CHN1: variants seen among roughly 807,000 people sequenced by gnomAD.
CHN1 encodes chimerin 1.
CHN1 carries 37 observed loss-of-function variants against 59.5 expected under a neutral mutation model. The observed-to-expected ratio is 0.62, with a 90% CI of 0.48 to 0.82. CHN1 has a LOEUF of 0.82. Ranked by LOEUF, CHN1 falls within the 40% of genes least tolerant of loss-of-function variation. The pLI is 0.00. For missense variants in CHN1, 469 were observed against 571.0 expected (o/e 0.82, Z 1.82); for synonymous variants, 206 against 200.4 (o/e 1.03, Z -0.24).
Position 174,815,671 on chromosome 2 carries a change from T to C in CHN1, c.713-3189A>G, listed in dbSNP as rs2105388703. On this transcript the variant is annotated intron_variant, in intron 8 of 12. Transcript: ENST00000409900. ...TTTTATGATAGCTGCTTTTCTTGTCTGATAATTACAACATCTGTGTCATCT... is the reference window on the plus strand; with the variant it reads ...TTTTATGATAGCTGCTTTTCTTGTCCGATAATTACAACATCTGTGTCATCT... 2.0e-5 allele frequency among the ~76,000 whole-genome samples: 3 copies of C among 152,162 alleles called. No individual in the cohort carries two copies. In the South Asian group the frequency reaches 6.2e-4, roughly 32 times the overall value.
intron 1 of CHN1, among the ~76,000 whole-genome samples, chr2:174,991,285 G>A (rs1050923374): frequency 6.6e-6 from 1 of 152,158 alleles, no homozygotes; most frequent in African/African-American, 2.4e-5. Context: ...TAAAAGAAGA[G>A]AGAACAGCTC....
chr2:174,806,837 AGAG>A (rs1684900372), intron 11 of CHN1, among the ~76,000 whole-genome samples: 1 of 152,216 alleles, frequency 6.6e-6, no homozygotes, highest in African/African-American at 2.4e-5. Flanking sequence ...TACTGCCAGA[AGAG>A]AGTGTACAAG....
intron 3 of CHN1, among the ~76,000 whole-genome samples, chr2:174,937,620 T>A (rs902395474): frequency 6.6e-6 from 1 of 152,142 alleles, no homozygotes; most frequent in Non-Finnish European, 1.5e-5. Flanking sequence ...AAATCTCATG[T>A]TGAAATATGA....
At position 174,963,415 on chromosome 2, in the gene CHN1, C is replaced by T. The variant is rs576415603; in HGVS notation, c.20-11213G>A. Among the ~76,000 whole-genome samples the T allele has an allele frequency of 2.6e-5, 4 of 152,180 alleles. No homozygotes were observed. In the East Asian group the frequency reaches 7.7e-4, roughly 29 times the overall value. On this transcript the variant is annotated intron_variant, in intron 1 of 12. Transcript: ENST00000409900. ...ACATACCAGAAGAGGTATTATCCGA[C>T]AAGACTCTTAAAGGATAGATGGTTT...
chr2:174,961,863 T>C (rs1320865590), intron 1 of CHN1, among the ~76,000 whole-genome samples: 3 of 152,166 alleles, frequency 2.0e-5, no homozygotes, highest in Admixed American at 2.0e-4. Flanking sequence ...TGTCTCAGTA[T>C]TATTACAAAA....
At chr2:174,856,458 C>G (rs1483451116) in intron 6 of CHN1, among the ~76,000 whole-genome samples, 1 of 152,180 alleles carries the variant, frequency 6.6e-6, no homozygotes, top group Non-Finnish European at 1.5e-5. Flanking sequence ...AATTCACCTG[C>G]TCCCTGATCG....
chr2:174,830,680 C>A (rs1369102045), intron 7 of CHN1, among the ~76,000 whole-genome samples: 1 of 152,102 alleles, frequency 6.6e-6, no homozygotes, highest in Non-Finnish European at 1.5e-5. Context: ...AAGCACTGGC[C>A]AAGGCTAAGT....
chr2:174,846,968 G>A lies in CHN1; in HGVS notation c.550-11C>T. 6.4e-7 allele frequency: 1 copy of A among 1,553,336 alleles called. No individual in the cohort carries two copies. Among genetic ancestry groups the A allele is most frequent in the Non-Finnish European group, 8.7e-7 (1 of 1,147,570 alleles). Reference sequence around the variant, plus strand: ...AACAAGTGATGTCAACTGCGAATAAGCAAAGAGTTTCAGAGGTTGCCAGAT... The same window carrying A: ...AACAAGTGATGTCAACTGCGAATAAACAAAGAGTTTCAGAGGTTGCCAGAT... On this transcript the variant is annotated splice_polypyrimidine_tract_variant and intron_variant, in intron 6 of 12. Coordinates refer to ENST00000409900, the MANE Select transcript of CHN1 (RefSeq NM_001822.7).
At chr2:174,856,683 A>ACTG (rs1489201804) in intron 6 of CHN1, among the ~76,000 whole-genome samples, 1 of 152,186 alleles carries the variant, frequency 6.6e-6, no homozygotes, top group Non-Finnish European at 1.5e-5. Flanking sequence ...CCTTGTTCTT[A>ACTG]CTGCTATTCG....
intron 7 of CHN1, among the ~76,000 whole-genome samples, chr2:174,840,788 T>C (rs1162284796): frequency 1.3e-5 from 2 of 152,098 alleles, no homozygotes; most frequent in Non-Finnish European, 2.9e-5. Flanking sequence ...CATACATATA[T>C]TGAAAGAGCC....
intron 3 of CHN1, among the ~76,000 whole-genome samples, chr2:174,927,899 C>T (rs1689223599): frequency 6.6e-6 from 1 of 152,112 alleles, no homozygotes; most frequent in Non-Finnish European, 1.5e-5. Flanking sequence ...AATATGACTA[C>T]ACTGGCAAAA....
chr2:174,839,229 T>TA (rs1686203303), intron 7 of CHN1, among the ~76,000 whole-genome samples: 1 of 152,176 alleles, frequency 6.6e-6, no homozygotes, highest in African/African-American at 2.4e-5. Flanking sequence ...AATGTATTCT[T>TA]ATACATTGTT....
intron 1 of CHN1, among the ~76,000 whole-genome samples, chr2:174,955,198 ATAATTGATATATATATATATC>A (rs1182214991): frequency 0.052 from 2,390 of 46,192 alleles, 64 homozygotes; most frequent in African/African-American, 0.21. Context: ...ATATATATAT[ATAATTGATATATATATATATC>A]TATATAGATA....
rs529892639 is a variant in CHN1, at chr2:174,966,914, T to G, written c.20-14712A>C. Among the ~76,000 whole-genome samples the G allele has an allele frequency of 8.5e-5, 13 of 152,336 alleles. No individual in the cohort carries two copies. In the East Asian group the frequency reaches 2.5e-3, roughly 29 times the overall value. ...TCAGCATTCCCAACTGGTTCCCATT[T>G]GGATTTTGTTGGGTACATTTCAAAA... On this transcript the variant is annotated intron_variant, in intron 1 of 12. Transcript: ENST00000409900.
chr2:174,979,528 C>T (rs1691068248), intron 1 of CHN1, among the ~76,000 whole-genome samples: 1 of 152,088 alleles, frequency 6.6e-6, no homozygotes, highest in South Asian at 2.1e-4. Flanking sequence ...TTAAGATGTA[C>T]ATAGGGCTGG....
At chr2:174,842,947 AATC>A (rs1223949535) in intron 7 of CHN1, among the ~76,000 whole-genome samples, 3 of 152,240 alleles carry the variant, frequency 2.0e-5, no homozygotes, top group African/African-American at 7.2e-5. Flanking sequence ...CTGAAATGAA[AATC>A]AACAACTAAT....
intron 5 of CHN1, among the ~76,000 whole-genome samples, chr2:174,891,293 C>T (rs542627144): frequency 6.6e-6 from 1 of 151,454 alleles, no homozygotes; most frequent in Non-Finnish European, 1.5e-5. Flanking sequence ...GAAAATAGGC[C>T]GGGAGCGGTG....
chr2:174,891,167 A>G (rs1688038314), intron 5 of CHN1, among the ~76,000 whole-genome samples: 1 of 148,476 alleles, frequency 6.7e-6, no homozygotes, highest in South Asian at 2.1e-4. Context: ...AAAAAAAAAG[A>G]AAAAAGAAAA....
chr2:174,805,223 C>A (rs1277767317), intron 11 of CHN1, among the ~76,000 whole-genome samples: 1 of 152,210 alleles, frequency 6.6e-6, no homozygotes, highest in African/African-American at 2.4e-5. Context: ...ACTGTTACAT[C>A]TGTCCACCAG....
Sources: allele counts gnomAD v4.1 joint callset (sites outside exome capture counted in the v4.1 genomes callset), GRCh38; gene constraint gnomAD v4.1.1; transcripts MANE v1.5; gene names NCBI Gene and HGNC (gene_info 2026-07-23, HGNC 2026-07-21).